Variants in MARCO observed in about 807,000 individuals in gnomAD.
MARCO encodes the protein macrophage receptor with collagenous structure, also known as macrophage receptor MARCO.
MARCO carries 72 observed loss-of-function variants against 70.0 expected under a neutral mutation model. The observed-to-expected ratio is 1.03, with a 90% CI of 0.85 to 1.25. MARCO has a LOEUF of 1.25. Among genes scored for constraint, MARCO ranks in the 50% most tolerant of loss-of-function variants. The pLI is 0.00. For synonymous variants in MARCO, 273 were observed against 243.1 expected (o/e 1.12, Z -1.14); for missense variants, 696 against 659.3 (o/e 1.06, Z -0.61).
chr2:118,953,396 T>C (rs1291919091), intron 1 of MARCO, among the ~76,000 whole-genome samples: 1 of 152,276 alleles, frequency 6.6e-6, no homozygotes, highest in Non-Finnish European at 1.5e-5. Flanking sequence ...TTTTACTTTC[T>C]ACATTTGGTG....
At position 118,994,515 on chromosome 2, in the gene MARCO, G is replaced by T; in HGVS notation, c.1558G>T (p.Val520Phe). Residue 520 changes from valine (V) to phenylalanine (F), a missense_variant, in exon 17 of 17, where the codon GTC becomes TTC. Coordinates refer to ENST00000327097, the MANE Select transcript of MARCO (RefSeq NM_006770.4). The stretch of plus-strand genomic sequence containing the variant: ...GGAGGACGCAGGCGTGGAGTGCAGC[G>T]TCTGACCCGGAAACCCTTTCACTTC... ...HEEDAGVECS[V>F] 1 of 1,587,086 alleles carries T rather than the reference G, an allele frequency of 6.3e-7. No homozygotes were observed. The highest frequency in any genetic ancestry group is 1.2e-5 in the South Asian group (1 of 86,620).
intron 1 of MARCO, among the ~76,000 whole-genome samples, chr2:118,951,203 C>T (rs1332149671): frequency 6.6e-6 from 1 of 152,186 alleles, no homozygotes; most frequent in Non-Finnish European, 1.5e-5. Flanking sequence ...TGGGAGGAAC[C>T]ATCTATCATC....
chr2:118,943,686 A>C (rs138356749), intron 1 of MARCO, among the ~76,000 whole-genome samples: 152 of 152,354 alleles, frequency 1.0e-3, no homozygotes, highest in African/African-American at 3.7e-3. Context: ...GAAAGAAGTT[A>C]GTGCCTGGGG....
chr2:118,943,559 C>T lies in MARCO; in HGVS notation c.97+1162C>T, dbSNP rs1157201294. On this transcript the variant is annotated intron_variant, in intron 1 of 16. Transcript: ENST00000327097. ...AAGCTGCCCATGAACTGACAATTTC[C>T]ATGTTGTGACTGAGACTTCCACAGG... Among the ~76,000 whole-genome samples, 3 of 152,178 alleles carry T rather than the reference C, an allele frequency of 2.0e-5. No homozygotes were observed. In the East Asian group the frequency reaches 5.8e-4, roughly 29 times the overall value.
intron 1 of MARCO, among the ~76,000 whole-genome samples, chr2:118,954,369 T>G (rs2104554901): frequency 6.6e-6 from 1 of 152,270 alleles, no homozygotes; most frequent in East Asian, 1.9e-4. Context: ...ACAACTCCAG[T>G]GACCTGGGAA....
intron 1 of MARCO, among the ~76,000 whole-genome samples, chr2:118,947,057 A>G (rs1182851874): frequency 6.6e-6 from 1 of 152,114 alleles, no homozygotes; most frequent in Non-Finnish European, 1.5e-5. Context: ...TATATTCTAT[A>G]TATAAGTCCT....
intron 4 of MARCO, among the ~76,000 whole-genome samples, chr2:118,973,385 G>A (rs200356229): frequency 2.0e-5 from 3 of 148,544 alleles, no homozygotes; most frequent in African/African-American, 7.4e-5. Context: ...TCTGACTTCT[G>A]TCTCTCTCTC....
intron 13 of MARCO, among the ~76,000 whole-genome samples, chr2:118,990,971 A>T (rs1680611516): frequency 6.6e-6 from 1 of 152,096 alleles, no homozygotes; most frequent in Non-Finnish European, 1.5e-5. Flanking sequence ...CTTCTGCTCC[A>T]TCCACGGCTG....
intron 2 of MARCO, among the ~76,000 whole-genome samples, 170 bp from the exon 3 acceptor site, chr2:118,969,944 C>T (rs1312346801): frequency 6.6e-6 from 1 of 152,098 alleles, no homozygotes. Flanking sequence ...GTGGAGCGCA[C>T]ATGGTCAAGA....
rs1679522860 is a variant in MARCO at position 118,942,476 on chromosome 2, A to G, written c.97+79A>G. On this transcript the variant is annotated intron_variant, in intron 1 of 16. Coordinates refer to ENST00000327097, the MANE Select transcript of MARCO (RefSeq NM_006770.4). ...AGCGAGATACGAAAATAGACAAGTC[A>G]ATAGAAAGTCTAGGTTTGGCTTATT... 4.3e-6 allele frequency: 5 copies of G among 1,163,128 alleles called. No individual in the cohort carries two copies. The South Asian group carries it at 6.4e-5, about 15-fold the overall frequency. 72.1% of individuals were successfully genotyped at this position (1,163,128 alleles called of 1,614,324 possible). A position where few individuals can be genotyped will look rare whatever the true frequency, so the allele number is the denominator to read the frequency against.
chr2:118,971,037 G>A (rs537101940), intron 3 of MARCO, among the ~76,000 whole-genome samples: 45 of 152,336 alleles, frequency 3.0e-4, no homozygotes, highest in African/African-American at 9.9e-4. Flanking sequence ...TCCCTCCAGA[G>A]GCTGTGGCCT....
intron 1 of MARCO, among the ~76,000 whole-genome samples, chr2:118,951,110 T>C (rs559531805): frequency 1.3e-5 from 2 of 152,204 alleles, no homozygotes; most frequent in Non-Finnish European, 2.9e-5. Context: ...GACCAATTAT[T>C]AGGCAATTTT....
At chr2:118,964,147 T>C (rs1024930617) in intron 1 of MARCO, among the ~76,000 whole-genome samples, 3 of 152,218 alleles carry the variant, frequency 2.0e-5, no homozygotes, top group Non-Finnish European at 4.4e-5. Flanking sequence ...CTTACTTTCA[T>C]TTATGTTCTT....
intron 1 of MARCO, chr2:118,944,993 A>G (rs755329369): frequency 6.6e-6 from 1 of 152,254 alleles, no homozygotes; most frequent in Non-Finnish European, 1.5e-5. Context: ...CAAACTGTAT[A>G]TATTTATGAT....
intron 12 of MARCO, among the ~76,000 whole-genome samples, chr2:118,985,568 C>CT (rs1680469966): frequency 6.6e-6 from 1 of 152,176 alleles, no homozygotes; most frequent in Non-Finnish European, 1.5e-5. Context: ...CTCAGGGTCA[C>CT]TTTTTTTACC....
intron 1 of MARCO, among the ~76,000 whole-genome samples, chr2:118,943,893 A>G (rs964979925): frequency 6.6e-6 from 1 of 152,188 alleles, no homozygotes; most frequent in Non-Finnish European, 1.5e-5. Flanking sequence ...ACTAATGTGC[A>G]TGTGAGGTTG....
chr2:118,960,243 C>A (rs185099831), intron 1 of MARCO, among the ~76,000 whole-genome samples: 8 of 151,982 alleles, frequency 5.3e-5, no homozygotes, highest in African/African-American at 1.7e-4. Flanking sequence ...AAACTGTATG[C>A]CTTTTATTTC....
At chr2:118,975,288 G>A (rs1457795713) in intron 6 of MARCO, among the ~76,000 whole-genome samples, 1 of 152,180 alleles carries the variant, frequency 6.6e-6, no homozygotes, top group Non-Finnish European at 1.5e-5. Flanking sequence ...TCCGCAAGGG[G>A]TTGAGGCTGC....
At chr2:118,951,241 T>A (rs1487788425) in intron 1 of MARCO, among the ~76,000 whole-genome samples, 1 of 152,222 alleles carries the variant, frequency 6.6e-6, no homozygotes, top group African/African-American at 2.4e-5. Context: ...CCGTCAATCA[T>A]CCTGTCCTGA....
Sources: gnomAD v4.1 joint callset for allele counts (sites outside exome capture counted in the v4.1 genomes callset) on GRCh38, gnomAD v4.1.1 for gene constraint, MANE v1.5 for transcripts, NCBI Gene and HGNC (gene_info 2026-07-23, HGNC 2026-07-21) for gene names.